Variants in OLFM3 observed in about 807,000 individuals in gnomAD.
OLFM3 encodes the protein olfactomedin 3.
Under a neutral mutation model 48.6 loss-of-function variants are expected in OLFM3, and 20 were observed. The observed-to-expected ratio is 0.41, with a 90% CI of 0.29 to 0.60. The LOEUF (loss-of-function observed/expected upper bound fraction) is 0.60, where lower values mean the gene tolerates loss of function less well. OLFM3 is among the 20% of genes least tolerant of loss of function. OLFM3 has a pLI of 0.28. For synonymous variants in OLFM3, 222 were observed against 198.1 expected, an observed-to-expected ratio of 1.12 and a Z score of -1.01; for missense variants, 437 against 544.3, an observed-to-expected ratio of 0.80 and a Z score of 1.96.
At chr1:101,949,452 A>G (rs951775842) in intron 1 of OLFM3, among the ~76,000 whole-genome samples, 2 of 152,176 alleles carry the variant, frequency 1.3e-5, no homozygotes, top group African/African-American at 2.4e-5. Flanking sequence ...AGCAAATGAT[A>G]TTGGTGCTAC....
chr1:101,960,084 A>C (rs1240001460), intron 1 of OLFM3, among the ~76,000 whole-genome samples: 1 of 152,148 alleles, frequency 6.6e-6, no homozygotes, highest in Admixed American at 6.5e-5. Context: ...CTAAAAATAA[A>C]ATTACGAGGC....
intron 1 of OLFM3, among the ~76,000 whole-genome samples, chr1:101,842,125 T>G (rs1655750134): frequency 6.6e-6 from 1 of 152,158 alleles, no homozygotes; most frequent in South Asian, 2.1e-4. Flanking sequence ...ATAATAATTC[T>G]TAGGACTGAA....
rs756706376 is a variant in OLFM3 at position 101,925,476 on chromosome 1, A to AGT, written c.69+71270_69+71271dup. 3.3e-3 allele frequency among the ~76,000 whole-genome samples: 492 copies of AGT among 149,802 alleles called. 4 individuals are homozygous for AGT. Among genetic ancestry groups the AGT allele is most frequent in the East Asian group, 0.019 (97 of 5,108 alleles). On this transcript the variant is annotated intron_variant, in intron 1 of 5. Transcript: ENST00000370103. ...TCATAGTTTTGTAATTGTGTATGTG[A>AGT]GTGTGTGTGTGTGTGTGTCTGTAGT...
At chr1:101,971,244 G>GT (rs1290895846) in intron 1 of OLFM3, among the ~76,000 whole-genome samples, 1 of 152,190 alleles carries the variant, frequency 6.6e-6, no homozygotes, top group African/African-American at 2.4e-5. Flanking sequence ...TGGAGTAGAA[G>GT]GGCTGATTTA....
At chr1:101,824,531 T>C (rs1654756395) in intron 4 of OLFM3, among the ~76,000 whole-genome samples, 1 of 152,098 alleles carries the variant, frequency 6.6e-6, no homozygotes, top group African/African-American at 2.4e-5. Flanking sequence ...GAGCAGTTGA[T>C]GGCAATTCTG....
At chr1:101,884,491 AAAAC>A (rs987913935) in intron 1 of OLFM3, among the ~76,000 whole-genome samples, 3 of 151,814 alleles carry the variant, frequency 2.0e-5, no homozygotes, top group Non-Finnish European at 2.9e-5. Context: ...AACAAAAACA[AAAAC>A]AAACAAACAA....
At chr1:101,893,425 G>T (rs1010083341) in intron 1 of OLFM3, 24 of 307,892 alleles carry the variant, frequency 7.8e-5, no homozygotes, top group Non-Finnish European at 1.5e-4. Context: ...GCAACAGAAA[G>T]AAGATAGTTT....
chr1:101,888,187 G>T (rs971560092), intron 1 of OLFM3, among the ~76,000 whole-genome samples: 3 of 152,078 alleles, frequency 2.0e-5, no homozygotes, highest in Non-Finnish European at 2.9e-5. Context: ...AGCCTGCATT[G>T]CCAAGACAAT....
At chr1:101,895,950 A>C (rs1658182757) in intron 1 of OLFM3, among the ~76,000 whole-genome samples, 1 of 147,496 alleles carries the variant, frequency 6.8e-6, no homozygotes, top group African/African-American at 2.5e-5. Flanking sequence ...GAGTTACCAA[A>C]TAATCCATTT....
chr1:101,966,354 C>A (rs1553183925), intron 1 of OLFM3, among the ~76,000 whole-genome samples: 1 of 73,520 alleles, frequency 1.4e-5, no homozygotes, highest in African/African-American at 4.3e-5. Flanking sequence ...TGTGTGTGCG[C>A]TACAGATAAG....
intron 1 of OLFM3, among the ~76,000 whole-genome samples, chr1:101,993,638 T>C (rs1291064943): frequency 2.6e-5 from 4 of 152,120 alleles, no homozygotes. Context: ...CTTTAATTAA[T>C]AGAAAGTATT....
At chr1:101,828,216 T>A (rs1204151436) in intron 3 of OLFM3, among the ~76,000 whole-genome samples, 1 of 152,162 alleles carries the variant, frequency 6.6e-6, no homozygotes, top group Non-Finnish European at 1.5e-5. Flanking sequence ...AGCACAGATC[T>A]TTATAGCAGT....
At chr1:101,857,305 C>T (rs1311492748) in intron 1 of OLFM3, among the ~76,000 whole-genome samples, 1 of 151,910 alleles carries the variant, frequency 6.6e-6, no homozygotes, top group African/African-American at 2.4e-5. Flanking sequence ...ATAACAGACA[C>T]ATAGAAATAT....
At chr1:101,950,227 CACCACTAAA>C (rs1303676730) in intron 1 of OLFM3, among the ~76,000 whole-genome samples, 2 of 152,210 alleles carry the variant, frequency 1.3e-5, no homozygotes, top group Admixed American at 1.3e-4. Flanking sequence ...CAACATGGTT[CACCACTAAA>C]ACCTTTTACT....
At chr1:101,866,568 G>A (rs1656864868) in intron 1 of OLFM3, among the ~76,000 whole-genome samples, 3 of 151,944 alleles carry the variant, frequency 2.0e-5, no homozygotes, top group Admixed American at 2.0e-4. Context: ...TCTGGTTAAT[G>A]TTAATTTAAA....
intron 1 of OLFM3, chr1:101,893,571 C>T: frequency 3.8e-6 from 1 of 262,638 alleles, no homozygotes; most frequent in Non-Finnish European, 7.8e-6. Context: ...TCAGAAGGAC[C>T]ATGCTGTTTT....
chr1:101,804,889 G>A lies in OLFM3; in HGVS notation c.726C>T (p.Asn242=), dbSNP rs151080750. The change falls in exon 6 of 6, where the codon AAC becomes AAT. Residue 242 remains asparagine, a synonymous_variant. Coordinates refer to ENST00000370103, the MANE Select transcript of OLFM3 (RefSeq NM_058170.4). The surrounding 1 kb of genome is among the most constrained non-coding windows in gnomAD (Gnocchi z 4.5). ...NRVWYMDSYT[N]NKIVREYKSI... ...ATTTGTATTCACGAACAATTTTATT[G>A]TTAGTATAACTGTCCATGTACCAGA... The A allele has an allele frequency of 7.4e-4, 1,189 of 1,611,252 alleles. 5 individuals are homozygous for A. In the African/African-American group the frequency reaches 0.015, roughly 20 times the overall value.
At chr1:101,898,815 C>T (rs1050108524) in intron 1 of OLFM3, among the ~76,000 whole-genome samples, 2 of 152,126 alleles carry the variant, frequency 1.3e-5, no homozygotes, top group Admixed American at 1.3e-4. Context: ...TGCTACTGCA[C>T]TCCAGCCTGA....
chr1:101,964,512 A>T (rs1660556844), intron 1 of OLFM3, among the ~76,000 whole-genome samples: 1 of 152,218 alleles, frequency 6.6e-6, no homozygotes, highest in African/African-American at 2.4e-5. Flanking sequence ...AATATTCAGC[A>T]ATAAAGCCTC....
Sources: gnomAD v4.1 joint callset for allele counts (sites outside exome capture counted in the v4.1 genomes callset) on GRCh38, gnomAD v4.1.1 for gene constraint, Gnocchi (gnomAD v3.1) non-coding constraint, MANE v1.5 for transcripts, NCBI Gene and HGNC (gene_info 2026-07-23, HGNC 2026-07-21) for gene names.